Variants in SLC38A8 observed in about 807,000 individuals in gnomAD.
SLC38A8 encodes the protein solute carrier family 38 member 8, also known as amino acid transporter SLC38A8.
In SLC38A8, 65 loss-of-function variants were observed where a neutral mutation model predicts 46.0. The ratio of observed to expected loss-of-function variants is 1.41; its 90% CI spans 1.16 to 1.74. SLC38A8 has a LOEUF of 1.74. Among genes scored for constraint, SLC38A8 ranks in the 40% most tolerant of loss-of-function variants. SLC38A8 has a pLI of 0.00. For synonymous variants in SLC38A8, 447 were observed against 243.7 expected (o/e 1.83, Z -7.77); for missense variants, 998 against 567.9 (o/e 1.76, Z -7.70).
At chr16:84,016,970 C>T (rs540266427) in intron 8 of SLC38A8, among the ~76,000 whole-genome samples, 170 bp downstream of exon 8, 20 of 152,300 alleles carry the variant, frequency 1.3e-4, no homozygotes, top group East Asian at 3.9e-4. Context: ...CACACACTCA[C>T]GGAGTGACTT....
chr16:84,011,226 A>G (rs1188025402), intron 10 of SLC38A8, among the ~76,000 whole-genome samples: 1 of 152,212 alleles, frequency 6.6e-6, no homozygotes, highest in African/African-American at 2.4e-5. Flanking sequence ...GAAGGACCCA[A>G]AGCAGTTTTA....
intron 6 of SLC38A8, among the ~76,000 whole-genome samples, chr16:84,023,802 G>A (rs982810529): frequency 6.6e-6 from 1 of 152,224 alleles, no homozygotes; most frequent in African/African-American, 2.4e-5. Context: ...GCTGAGGCAG[G>A]TGAATCACTG....
chr16:84,033,442 G>C lies in SLC38A8; in HGVS notation c.416C>G (p.Pro139Arg). Residue 139 changes from proline to arginine, a missense_variant, in exon 4 of 11, where the codon CCG becomes CGG. By Grantham distance (103) the Pro-to-Arg change is moderately radical (BLOSUM62 -2). Transcript: ENST00000299709. ...TGCGTACCACGGCTGCGGGGCGGGC[G>C]GGGTGCCAGACAGGAGGGAGTCACA... ...KLCDSLLSGTPPAPQPWYADQ... is the reference protein window; with the variant it reads ...KLCDSLLSGTRPAPQPWYADQ... The C allele has an allele frequency of 1.2e-6, 2 of 1,610,228 alleles. No individual in the cohort carries two copies. The highest frequency in any genetic ancestry group is 1.7e-6 in the Non-Finnish European group (2 of 1,178,384).
At chr16:84,021,418 T>C (rs1597257780) in intron 7 of SLC38A8, among the ~76,000 whole-genome samples, 1 of 152,204 alleles carries the variant, frequency 6.6e-6, no homozygotes, top group South Asian at 2.1e-4. Flanking sequence ...ATGGACACAG[T>C]TCAGCCAAAT....
At position 84,031,814 on chromosome 16, in the gene SLC38A8, C is replaced by A. The variant is rs544989044; in HGVS notation, c.632+53G>T. ...TCCTCCAAGACTCCCCTCACAGACT[C>A]CCCTGCCGTGCCTCCCCGCCGAGGC... On this transcript the variant is annotated intron_variant, in intron 5 of 10. Transcript: ENST00000299709. 853 of 1,487,718 alleles carry A rather than the reference C, an allele frequency of 5.7e-4. 4 individuals are homozygous for A. Among genetic ancestry groups the A allele is most frequent in the Middle Eastern group, 1.3e-3 (7 of 5,434 alleles). 92.2% of individuals were successfully genotyped at this position (1,487,718 alleles called of 1,614,324 possible). A position where few individuals can be genotyped will look rare whatever the true frequency, so the allele number is the denominator to read the frequency against.
At chr16:84,029,618 T>C (rs1406718450) in intron 5 of SLC38A8, 67 bp from the exon 6 acceptor site, 30 of 1,490,380 alleles carry the variant, frequency 2.0e-5, no homozygotes, top group Non-Finnish European at 2.6e-5. Context: ...GCGGCTGCAA[T>C]GGTGAATTTT....
In SLC38A8 at chr16:84,022,842, G is replaced by C. The variant is rs749587066; in HGVS notation, c.738C>G (p.Ser246Arg). ...CAGACACCAGGGCCCAGTGGGAGAG[G>C]CTCCGTTTGCGCATGCTGCAGTAGA... ...VSIYCSMRKR[S>R]LSHWALVSVL... Residue 246 changes from serine to arginine, a missense_variant, in exon 7 of 11, where the codon AGC becomes AGG. Ser to Arg is a moderately radical substitution (Grantham distance 110). Transcript: ENST00000299709. The C allele has an allele frequency of 1.2e-6, 2 of 1,612,144 alleles. No homozygotes were observed. The highest frequency in any genetic ancestry group is 8.5e-7 in the Non-Finnish European group (1 of 1,179,260).
rs765983165 is a variant in SLC38A8 at position 84,031,982 on chromosome 16, C to A, written c.531-14G>T. On this transcript the variant is annotated splice_polypyrimidine_tract_variant and intron_variant, in intron 4 of 10. Coordinates refer to ENST00000299709, the MANE Select transcript of SLC38A8 (RefSeq NM_001080442.3). ...GTGCCTAGGATGCTAACACAGTGAC[C>A]GTGTGAGGGGCTGCGCAGTGGGTGA... The A allele has an allele frequency of 4.3e-6, 7 of 1,611,356 alleles. No homozygotes were observed. The highest frequency in any genetic ancestry group is 1.7e-4 in the Middle Eastern group (1 of 6,054).
intron 6 of SLC38A8, among the ~76,000 whole-genome samples, chr16:84,028,239 C>A (rs1002516316): frequency 1.3e-5 from 2 of 152,012 alleles, no homozygotes; most frequent in African/African-American, 4.8e-5. Context: ...TGGTGGTAGG[C>A]AGTGGATAGG....
chr16:84,025,592 C>A (rs1411935387), intron 6 of SLC38A8, among the ~76,000 whole-genome samples: 1 of 152,160 alleles, frequency 6.6e-6, no homozygotes, highest in African/African-American at 2.4e-5. Context: ...TGAATAAACA[C>A]TACAGGGCTT....
Position 84,012,986 on chromosome 16 carries a change from C to G in SLC38A8, c.1214+15G>C, listed in dbSNP as rs754105161. ...GGGCACACCCAGGGTGCCACCTCAT[C>G]TTAGGGACACTTACTTGACTCTTGG... On this transcript the variant is annotated intron_variant, in intron 10 of 10. Transcript: ENST00000299709. 5 of 1,614,036 alleles carry G rather than the reference C, an allele frequency of 3.1e-6. No homozygotes were observed. In the South Asian group the frequency reaches 5.5e-5, roughly 18 times the overall value.
chr16:84,036,202 GA>G (rs1238340894), intron 3 of SLC38A8, among the ~76,000 whole-genome samples: 2 of 152,230 alleles, frequency 1.3e-5, no homozygotes, highest in Admixed American at 1.3e-4. Flanking sequence ...AAACCACAGT[GA>G]AAAGGAGCAA....
rs372608334 is a variant in SLC38A8 at position 84,032,155 on chromosome 16, G to C, written c.531-187C>G. On this transcript the variant is annotated intron_variant, in intron 4 of 10. Transcript: ENST00000299709. ...GGGGCAGGGCTGCTTTGGGGTCAAG[G>C]GGTCAGATGTAGAGTTTTGTTGTTG... is the stretch of plus-strand genomic sequence containing the variant. Among the ~76,000 whole-genome samples the C allele has an allele frequency of 8.0e-5, 12 of 150,452 alleles. No individual in the cohort carries two copies. The East Asian group carries it at 2.1e-3, about 27-fold the overall frequency.
intron 6 of SLC38A8, 78 bp downstream of exon 6, chr16:84,029,416 C>T: frequency 1.3e-6 from 2 of 1,514,328 alleles, no homozygotes; most frequent in Non-Finnish European, 9.1e-7. Context: ...ACAGAGAAAC[C>T]AAGGTTTCCC....
At chr16:84,026,438 G>A (rs956722890) in intron 6 of SLC38A8, among the ~76,000 whole-genome samples, 1 of 152,180 alleles carries the variant, frequency 6.6e-6, no homozygotes, top group Non-Finnish European at 1.5e-5. Context: ...TGTTGGCCAG[G>A]CTGGTCTTGA....
At chr16:84,019,210 G>C (rs2085068218) in intron 7 of SLC38A8, among the ~76,000 whole-genome samples, 1 of 152,018 alleles carries the variant, frequency 6.6e-6, no homozygotes, top group Admixed American at 6.6e-5. Flanking sequence ...GAGTAGCCTG[G>C]ATTACAGGCA....
At chr16:84,021,995 C>T (rs145258227) in intron 7 of SLC38A8, among the ~76,000 whole-genome samples, 3 of 152,338 alleles carry the variant, frequency 2.0e-5, no homozygotes, top group African/African-American at 7.2e-5. Flanking sequence ...TATTAATCCA[C>T]TAATCCATGA....
At chr16:84,010,187 C>G (rs1347165187) in intron 10 of SLC38A8, among the ~76,000 whole-genome samples, 1 of 150,528 alleles carries the variant, frequency 6.6e-6, no homozygotes, top group African/African-American at 2.5e-5. Flanking sequence ...TCTCCTGCCT[C>G]AGCCTCCCAA....
intron 7 of SLC38A8, among the ~76,000 whole-genome samples, chr16:84,018,380 C>G (rs1285375923): frequency 6.6e-6 from 1 of 151,898 alleles, no homozygotes; most frequent in Admixed American, 6.6e-5. Context: ...CTACAGACGC[C>G]CGCCACATTT....
Sources: allele counts gnomAD v4.1 joint callset (sites outside exome capture counted in the v4.1 genomes callset), GRCh38; gene constraint gnomAD v4.1.1; transcripts MANE v1.5; gene names NCBI Gene and HGNC (gene_info 2026-07-23, HGNC 2026-07-21).